The following DNAH2 variants were observed in gnomAD, a reference collection of about 807,000 sequenced individuals.
DNAH2 encodes the protein dynein axonemal heavy chain 2, also known as axonemal beta dynein heavy chain 2.
In DNAH2, 323 loss-of-function variants were observed where a neutral mutation model predicts 523.5. The observed-to-expected ratio is 0.62, with a 90% CI of 0.56 to 0.68. The LOEUF is 0.68. Among genes scored for constraint, DNAH2 ranks in the 30% least tolerant of loss-of-function variants. The pLI, the probability that DNAH2 is intolerant of heterozygous loss-of-function variation, is 0.00. For missense variants in DNAH2, 4,907 were observed against 5,701.5 expected, an observed-to-expected ratio of 0.86 and a Z score of 4.49; for synonymous variants, 2,093 against 2,177.4, an observed-to-expected ratio of 0.96 and a Z score of 1.08.
At position 7,740,552 on chromosome 17, in the gene DNAH2, G is replaced by A. The variant is rs368257259; in HGVS notation, c.1506+3G>A. The A allele has an allele frequency of 1.0e-4, 167 of 1,612,882 alleles. No individual in the cohort carries two copies. The highest frequency in any genetic ancestry group is 1.3e-4 in the Non-Finnish European group (148 of 1,179,900). ...TCCACAGGCTTGCCTCCCGCGAGGT[G>A]CGGCTGCCCCGCGGCTTCCTCGGCT... On this transcript the variant is annotated splice_donor_region_variant and intron_variant, in intron 10 of 85. Transcript: ENST00000572933.
In DNAH2 at chr17:7,796,660, G is replaced by A. The variant is rs1453318126; in HGVS notation, c.7863+8G>A. ...CTTCGAGACATCTCCAAGGTGACTC[G>A]CGGCCTGACCTTGCCCCTTCTGCTT... On this transcript the variant is annotated splice_region_variant and intron_variant, in intron 50 of 85. Transcript: ENST00000572933. 11 of 1,607,604 alleles carry A rather than the reference G, an allele frequency of 6.8e-6. No individual in the cohort carries two copies. Among genetic ancestry groups the A allele is most frequent in the African/African-American group, 1.4e-5 (1 of 73,944 alleles).
In DNAH2 at chr17:7,770,795, A is replaced by G; in HGVS notation, c.4224A>G (p.Val1408=). The G allele has an allele frequency of 6.2e-7, 1 of 1,614,188 alleles. No individual in the cohort carries two copies. The highest frequency in any genetic ancestry group is 1.7e-5 in the Admixed American group (1 of 60,026). Residue 1408 remains valine (V), a synonymous_variant, in exon 27 of 86, where the codon GTA becomes GTG. Transcript: ENST00000572933. Reference sequence around the variant, plus strand: ...TCCAGGCACTGGAAGATAACCAGGTAGCTCTGTCTACCATGAAGGCATCAC... The same window carrying G: ...TCCAGGCACTGGAAGATAACCAGGTGGCTCTGTCTACCATGAAGGCATCAC... The part of the protein sequence containing the change: ...EVFQALEDNQ[V]ALSTMKASRF...
rs369151767 is a variant in DNAH2, at chr17:7,798,223, G to T, written c.8297G>T (p.Ser2766Ile). Residue 2766 changes from serine (S) to isoleucine (I), a missense_variant, in exon 54 of 86, where the codon AGC becomes ATC. Transcript: ENST00000572933. The surrounding 1 kb of genome is among the most constrained non-coding windows in gnomAD (Gnocchi z 5.5). ...ATGCTCCTGGTGGGTATCGGGGGCA[G>T]CGGACGCCAGAGTCTGGCCCGCCTG... is the stretch of plus-strand genomic sequence containing the variant. ...GNMLLVGIGGSGRQSLARLAS... is the reference protein window; with the variant it reads ...GNMLLVGIGGIGRQSLARLAS... 18 of 1,613,640 alleles carry T rather than the reference G, an allele frequency of 1.1e-5. No homozygotes were observed. Among genetic ancestry groups the T allele is most frequent in the Non-Finnish European group, 1.5e-5 (18 of 1,179,688 alleles).
rs1481450028 is a variant in DNAH2 at position 7,788,115 on chromosome 17, C to G, written c.6771C>G (p.Phe2257Leu). ...AGGTGGAGCCCCTTCAACGCATGTT[C>G]GAAAAGCTCATCAACAAGATGCTGG... ...KAEVEPLQRM[F>L]EKLINKMLAF... Residue 2257 changes from phenylalanine (F) to leucine (L), a missense_variant, in exon 44 of 86, where the codon TTC (phenylalanine) becomes TTG (leucine). Transcript: ENST00000572933. 1 of 1,614,088 alleles carries G rather than the reference C, an allele frequency of 6.2e-7. No individual in the cohort carries two copies. Among genetic ancestry groups the G allele is most frequent in the African/African-American group, 1.3e-5 (1 of 74,928 alleles).
At chr17:7,783,552 AT>A (rs1483198711) in intron 39 of DNAH2, among the ~76,000 whole-genome samples, 11 of 152,110 alleles carry the variant, frequency 7.2e-5, no homozygotes, top group Admixed American at 7.2e-4. Context: ...GCTGGACATG[AT>A]GGCTCACACC....
chr17:7,814,545 C>G (rs1472213125), intron 63 of DNAH2, among the ~76,000 whole-genome samples: 1 of 152,176 alleles, frequency 6.6e-6, no homozygotes, highest in Non-Finnish European at 1.5e-5. Context: ...ACAGAAGTAA[C>G]AACCAGCATA....
chr17:7,761,731 C>T (rs1425800268), intron 18 of DNAH2, among the ~76,000 whole-genome samples: 2 of 152,122 alleles, frequency 1.3e-5, no homozygotes, highest in Non-Finnish European at 2.9e-5. Flanking sequence ...GTCATCCACC[C>T]ACCTTAGCCT....
Position 7,763,812 on chromosome 17 carries a change from G to A in DNAH2, c.2979-19G>A. On this transcript the variant is annotated intron_variant, in intron 18 of 85. Transcript: ENST00000572933. ...TGCAAAGAAAACAACATCCTAGCTG[G>A]GATCTGGGGCTCTTGCAGCTACACG... is the stretch of plus-strand genomic sequence containing the variant. 1 of 1,613,612 alleles carries A rather than the reference G, an allele frequency of 6.2e-7. No individual in the cohort carries two copies. The highest frequency in any genetic ancestry group is 2.2e-5 in the East Asian group (1 of 44,870).
rs570248843 is a variant in DNAH2, at chr17:7,826,318, C to T, written c.11853+1591C>T. On this transcript the variant is annotated intron_variant, in intron 77 of 85. Transcript: ENST00000572933. The stretch of plus-strand genomic sequence containing the variant: ...TACAGGGATTACAGGTGTGAGCCAC[C>T]GTGCCCAGCCTGAGTTTTACTTCAA... Among the ~76,000 whole-genome samples, 6 of 152,174 alleles carry T rather than the reference C, an allele frequency of 3.9e-5. No homozygotes were observed. The East Asian group carries it at 9.7e-4, about 25-fold the overall frequency.
rs772281971 is a variant in DNAH2, at chr17:7,786,958, G to C, written c.6528G>C (p.Glu2176Asp). The C allele has an allele frequency of 1.9e-5, 31 of 1,614,134 alleles. No individual in the cohort carries two copies. Among genetic ancestry groups the C allele is most frequent in the Middle Eastern group, 3.3e-4 (2 of 6,084 alleles). ...FDGPVDTLWI[E>D]NMNSVMDDNK... ...GCCCCGTGGACACACTGTGGATCGA[G>C]AACATGAACTCCGTCATGGACGATA... Residue 2176 changes from glutamate (E) to aspartate (D), a missense_variant, in exon 42 of 86, where the codon GAG (glutamate) becomes GAC (aspartate). This residue lies in a region of DNAH2 where 2,806 missense variants were observed against 3,190.8 expected (regional missense o/e 0.88). Coordinates refer to ENST00000572933, the MANE Select transcript of DNAH2 (RefSeq NM_020877.5). This position sits in a 1 kb window ranked among gnomAD's most constrained non-coding sequence, Gnocchi z 7.5.
In DNAH2 at chr17:7,824,277, C is replaced by T. The variant is rs375174427; in HGVS notation, c.11635C>T (p.Arg3879Trp). 83 of 1,534,758 alleles carry T rather than the reference C, an allele frequency of 5.4e-5. 1 individual carries two copies. The East Asian group carries it at 1.1e-3, about 20-fold the overall frequency. Reference protein sequence around the residue: ...LGQGQAPIAARLLREGVTQGH... With the variant: ...LGQGQAPIAAWLLREGVTQGH... ...CCAGGGCCAGGCCCCCATCGCTGCT[C>T]GGCTCCTCCGAGAGGGTGTGACTCA... The change falls in exon 76 of 86, where the codon CGG (arginine) becomes TGG (tryptophan). Residue 3879 changes from arginine (R) to tryptophan (W), a missense_variant. Physicochemically the swap from Arg to Trp is moderately radical, Grantham distance 101. Around this residue, in one of 3 missense-constraint regions of DNAH2, gnomAD observed 1,851 missense variants for 2,139.4 expected, o/e 0.87. Coordinates refer to ENST00000572933, the MANE Select transcript of DNAH2 (RefSeq NM_020877.5).
chr17:7,818,760 G>A lies in DNAH2; in HGVS notation c.10654G>A (p.Glu3552Lys). 1 of 1,614,076 alleles carries A rather than the reference G, an allele frequency of 6.2e-7. No individual in the cohort carries two copies. The highest frequency in any genetic ancestry group is 1.1e-5 in the South Asian group (1 of 91,080). Residue 3552 changes from glutamate to lysine, a missense_variant, in exon 70 of 86, where the codon GAG becomes AAG. This residue lies in a region of DNAH2 where 1,851 missense variants were observed against 2,139.4 expected (regional missense o/e 0.87). Transcript: ENST00000572933. ...AAGKRKLKEL[E>K]DEILRLLNEA... Reference sequence around the variant, plus strand: ...TGGTAAAAGGAAGCTCAAGGAGCTGGAGGATGAGATCCTGCGGTGAGGCCC... The same window carrying A: ...TGGTAAAAGGAAGCTCAAGGAGCTGAAGGATGAGATCCTGCGGTGAGGCCC...
Position 7,771,470 on chromosome 17 carries a change from T to G in DNAH2, c.4501+2T>G. ...CTCTCCGGAGCACCCATCACCCAGG[T>G]CAGAGCTCCAGGGCTCCTGCCCTGA... is the stretch of plus-strand genomic sequence containing the variant. On this transcript the variant is annotated splice_donor_variant, in intron 28 of 85. Transcript: ENST00000572933. LOFTEE classifies it high-confidence loss of function. 6.2e-7 allele frequency: 1 copy of G among 1,613,832 alleles called. No homozygotes were observed. The highest frequency in any genetic ancestry group is 1.7e-5 in the Admixed American group (1 of 60,000).
Position 7,776,760 on chromosome 17 carries a change from G to A in DNAH2, c.4948-19G>A, listed in dbSNP as rs2076463543. On this transcript the variant is annotated intron_variant, in intron 31 of 85. Coordinates refer to ENST00000572933, the MANE Select transcript of DNAH2 (RefSeq NM_020877.5). ...AGCCAAGGACAGGGCTTTGGGACGT[G>A]GCTTCTGCACATCCCCAGGTGGTGA... 1 of 1,604,102 alleles carries A rather than the reference G, an allele frequency of 6.2e-7. No individual in the cohort carries two copies. Among genetic ancestry groups the A allele is most frequent in the African/African-American group, 1.3e-5 (1 of 74,690 alleles).
At chr17:7,752,468 T>C (rs2075713842) in intron 12 of DNAH2, among the ~76,000 whole-genome samples, 1 of 152,122 alleles carries the variant, frequency 6.6e-6, no homozygotes, top group African/African-American at 2.4e-5. Context: ...CCCAGCACTT[T>C]GGGAGGCCGA....
At chr17:7,787,299 T>C in intron 42 of DNAH2, 2 of 540,248 alleles carry the variant, frequency 3.7e-6, no homozygotes, top group Non-Finnish European at 6.6e-6. Context: ...TTCTCACGGA[T>C]GCATGAGGCA....
chr17:7,798,142 C>T lies in DNAH2; in HGVS notation c.8231-15C>T, dbSNP rs182938333. ...CTCAGCCAACTCATTACCCTCACAC[C>T]CACCCCACCCCCAGTCACACGGATC... is the stretch of plus-strand genomic sequence containing the variant. On this transcript the variant is annotated splice_polypyrimidine_tract_variant and intron_variant, in intron 53 of 85. Transcript: ENST00000572933. This position sits in a 1 kb window ranked among gnomAD's most constrained non-coding sequence, Gnocchi z 5.5. The T allele has an allele frequency of 4.4e-6, 7 of 1,576,212 alleles. No homozygotes were observed. The Admixed American group carries it at 8.6e-5, about 19-fold the overall frequency.
chr17:7,758,516 A>G lies in DNAH2; in HGVS notation c.2073A>G (p.Pro691=). The G allele has an allele frequency of 6.2e-7, 1 of 1,614,128 alleles. No homozygotes were observed. The highest frequency in any genetic ancestry group is 8.5e-7 in the Non-Finnish European group (1 of 1,180,002). ...DYNRIIAMLS[P]DEQALFKERI... ...ACAGGATTATTGCCATGCTGTCCCC[A>G]GATGAGCAGGCCCTATTCAAAGAGC... Residue 691 remains proline, a synonymous_variant, in exon 14 of 86, where the codon CCA becomes CCG. Coordinates refer to ENST00000572933, the MANE Select transcript of DNAH2 (RefSeq NM_020877.5).
intron 63 of DNAH2, among the ~76,000 whole-genome samples, chr17:7,811,646 T>A (rs1567739138): frequency 6.6e-6 from 1 of 152,226 alleles, no homozygotes. Context: ...TGTCTTCACA[T>A]AACAGAAGGG....
Sources: allele counts gnomAD v4.1 joint callset (sites outside exome capture counted in the v4.1 genomes callset), GRCh38; gene constraint gnomAD v4.1.1; regional missense constraint gnomAD v4.1.1; non-coding constraint Gnocchi (gnomAD v3.1); transcripts MANE v1.5; gene names NCBI Gene and HGNC (gene_info 2026-07-23, HGNC 2026-07-21).